Variants in SGCZ observed in about 807,000 individuals in gnomAD.
SGCZ encodes sarcoglycan zeta.
SGCZ carries 40 observed loss-of-function variants against 41.3 expected under a neutral mutation model. The ratio of observed to expected loss-of-function variants is 0.97; its 90% CI spans 0.75 to 1.26. The LOEUF is 1.26. Ranked by LOEUF, SGCZ falls within the 50% of genes most tolerant of loss-of-function variation. SGCZ has a pLI of 0.00. For synonymous variants in SGCZ, 206 were observed against 137.5 expected (o/e 1.50, Z -3.49); for missense variants, 552 against 369.8 (o/e 1.49, Z -4.04).
At chr8:14,429,598 T>C (rs1027768297) in intron 2 of SGCZ, among the ~76,000 whole-genome samples, 1 of 152,184 alleles carries the variant, frequency 6.6e-6, no homozygotes, top group African/African-American at 2.4e-5. Flanking sequence ...TTTGTAAATA[T>C]CTTCTTTGCA....
At chr8:14,766,436 G>A (rs1168725846) in intron 1 of SGCZ, among the ~76,000 whole-genome samples, 3 of 151,978 alleles carry the variant, frequency 2.0e-5, no homozygotes, top group Non-Finnish European at 4.4e-5. Flanking sequence ...CTTAAAGATA[G>A]GATTATATCT....
chr8:14,107,696 C>T (rs1007484149), intron 6 of SGCZ, among the ~76,000 whole-genome samples: 14 of 152,146 alleles, frequency 9.2e-5, no homozygotes, highest in South Asian at 2.1e-4. Flanking sequence ...TGGAGCACAG[C>T]GGCATGATCA....
At chr8:14,482,377 G>A (rs1396146656) in intron 2 of SGCZ, among the ~76,000 whole-genome samples, 1 of 152,108 alleles carries the variant, frequency 6.6e-6, no homozygotes, top group Non-Finnish European at 1.5e-5. Flanking sequence ...TCAAGCTTTG[G>A]GAGTCAGAGT....
intron 1 of SGCZ, among the ~76,000 whole-genome samples, chr8:14,646,421 A>G (rs1441393064): frequency 6.6e-6 from 1 of 150,824 alleles, no homozygotes; most frequent in Non-Finnish European, 1.5e-5. Flanking sequence ...CATGGTGTAT[A>G]TGTACTACAT....
In SGCZ at chr8:14,660,589, A is replaced by G. The variant is rs535108462; in HGVS notation, c.40-105663T>C. Reference sequence around the variant, plus strand: ...TCCATCTCAAAAAAAAAAAAAAAAAAAGAGAGAAAAGAAAAATAGCTGCAG... The same window carrying G: ...TCCATCTCAAAAAAAAAAAAAAAAAGAGAGAGAAAAGAAAAATAGCTGCAG... On this transcript the variant is annotated intron_variant, in intron 1 of 7. Transcript: ENST00000382080. Among the ~76,000 whole-genome samples, 540 of 151,100 alleles carry G rather than the reference A, an allele frequency of 3.6e-3. 3 individuals are homozygous for G. The highest frequency in any genetic ancestry group is 5.3e-3 in the Non-Finnish European group (357 of 67,760).
chr8:14,972,014 A>G (rs1021080507), intron 1 of SGCZ, among the ~76,000 whole-genome samples: 1 of 151,632 alleles, frequency 6.6e-6, no homozygotes, highest in Non-Finnish European at 1.5e-5. Context: ...TTTCATAATA[A>G]CTGTGTTTGG....
At chr8:14,328,871 C>T (rs1041237370) in intron 2 of SGCZ, among the ~76,000 whole-genome samples, 1 of 152,182 alleles carries the variant, frequency 6.6e-6, no homozygotes, top group Non-Finnish European at 1.5e-5. Flanking sequence ...AATGAAGCTT[C>T]ACGCAGTGTT....
At position 15,176,718 on chromosome 8, in the gene SGCZ, T is replaced by A. The variant is rs921815605; in HGVS notation, c.39+60867A>T. Among the ~76,000 whole-genome samples the A allele has an allele frequency of 2.0e-5, 3 of 152,306 alleles. No individual in the cohort carries two copies. The South Asian group carries it at 6.2e-4, about 32-fold the overall frequency. ...AAACCTTATCAAAAGAAACTATATG[T>A]TGGCCGGACACAGTGGCTCACGCCT... On this transcript the variant is annotated intron_variant, in intron 1 of 7. Transcript: ENST00000382080.
chr8:14,244,725 G>A (rs1197797350), intron 3 of SGCZ, among the ~76,000 whole-genome samples: 2 of 151,976 alleles, frequency 1.3e-5, no homozygotes, highest in Non-Finnish European at 2.9e-5. Flanking sequence ...CTACCCATGA[G>A]CATGGAATGT....
intron 4 of SGCZ, among the ~76,000 whole-genome samples, chr8:14,198,578 C>G (rs919428268): frequency 7.1e-6 from 1 of 140,932 alleles, no homozygotes; most frequent in Admixed American, 7.5e-5. Context: ...CACATGTACA[C>G]CAGAATCTAA....
At chr8:15,126,441 AG>A (rs1450475145) in intron 1 of SGCZ, among the ~76,000 whole-genome samples, 1 of 152,208 alleles carries the variant, frequency 6.6e-6, no homozygotes, top group African/African-American at 2.4e-5. Context: ...ATCTATCAGC[AG>A]GGCATTGTGA....
chr8:14,650,742 A>G (rs948861140), intron 1 of SGCZ, among the ~76,000 whole-genome samples: 1 of 152,048 alleles, frequency 6.6e-6, no homozygotes, highest in Non-Finnish European at 1.5e-5. Context: ...GGAGGAAAGC[A>G]ATGCAAAGAA....
intron 1 of SGCZ, among the ~76,000 whole-genome samples, chr8:15,111,461 A>G (rs1807049992): frequency 6.6e-6 from 1 of 152,172 alleles, no homozygotes; most frequent in African/African-American, 2.4e-5. Context: ...GCCTCAAGCC[A>G]CGGGCCAAAT....
chr8:14,401,736 C>T (rs1025887878), intron 2 of SGCZ, among the ~76,000 whole-genome samples: 18 of 151,496 alleles, frequency 1.2e-4, no homozygotes, highest in Admixed American at 3.9e-4. Context: ...TGAATAATGC[C>T]GCAATAAACA....
intron 1 of SGCZ, among the ~76,000 whole-genome samples, chr8:14,836,996 A>C (rs1802722599): frequency 1.3e-5 from 2 of 152,310 alleles, no homozygotes; most frequent in South Asian, 4.1e-4. Flanking sequence ...ATATACTCAA[A>C]GAATTTATAG....
chr8:14,525,895 A>G (rs1802933209), intron 2 of SGCZ, among the ~76,000 whole-genome samples: 1 of 152,094 alleles, frequency 6.6e-6, no homozygotes, highest in Non-Finnish European at 1.5e-5. Flanking sequence ...AATACGATGC[A>G]GAGTATTTTA....
intron 1 of SGCZ, among the ~76,000 whole-genome samples, chr8:14,588,737 G>C (rs1469672414): frequency 2.6e-5 from 4 of 152,070 alleles, no homozygotes; most frequent in Non-Finnish European, 5.9e-5. Context: ...TTCTCAACAA[G>C]AAATGTAGTC....
chr8:14,787,656 G>C (rs1443509438), intron 1 of SGCZ, among the ~76,000 whole-genome samples: 1 of 151,992 alleles, frequency 6.6e-6, no homozygotes, highest in Non-Finnish European at 1.5e-5. Flanking sequence ...AGACCAGCCT[G>C]ACCAACATGG....
intron 1 of SGCZ, among the ~76,000 whole-genome samples, chr8:14,826,095 C>A (rs1041551126): frequency 9.3e-5 from 13 of 140,042 alleles, no homozygotes; most frequent in Admixed American, 5.8e-4. Flanking sequence ...CCCCTCCCCC[C>A]ACCTATGTCC....
Sources: gnomAD v4.1 joint callset for allele counts (sites outside exome capture counted in the v4.1 genomes callset) on GRCh38, gnomAD v4.1.1 for gene constraint, MANE v1.5 for transcripts, NCBI Gene and HGNC (gene_info 2026-07-23, HGNC 2026-07-21) for gene names.